XKR3: variants seen among roughly 807,000 people sequenced by gnomAD.
XKR3 encodes XK-related protein 3.
In XKR3, 27 loss-of-function variants were observed where a neutral mutation model predicts 40.3. The observed-to-expected ratio is 0.67, with a 90% CI of 0.49 to 0.92. The LOEUF is 0.92. Ranked by LOEUF, XKR3 falls within the 40% of genes least tolerant of loss-of-function variation. The probability of loss-of-function intolerance (pLI) is 0.00; values close to 1 mark genes in which losing one functional copy is unlikely to be tolerated. For synonymous variants in XKR3, 193 were observed against 195.4 expected, an observed-to-expected ratio of 0.99 and a Z score of 0.10; for missense variants, 472 against 537.6, an observed-to-expected ratio of 0.88 and a Z score of 1.21.
In XKR3 at chr22:16,784,512, C is replaced by T. The variant is rs1411233350; in HGVS notation, c.590-103G>A. The T allele has an allele frequency of 3.8e-6, 4 of 1,066,454 alleles. No individual in the cohort carries two copies. In the African/African-American group the frequency reaches 6.5e-5, roughly 17 times the overall value. The allele number at this position is 1,066,454 out of a possible 1,614,324, so 66.1% of individuals were successfully genotyped here. A position where few individuals can be genotyped will look rare whatever the true frequency, so the allele number is the denominator to read the frequency against. On this transcript the variant is annotated intron_variant, in intron 3 of 3. Coordinates refer to ENST00000684488, the MANE Select transcript of XKR3 (RefSeq NM_001386955.1). ...TTAAGATATATTCTTCCTCACCCAC[C>T]TCCTTTAGAAAATCATTTACTTATA... is the stretch of plus-strand genomic sequence containing the variant.
chr22:16,813,494 G>T lies in XKR3; in HGVS notation c.-10-5411C>A, dbSNP rs150001216. On this transcript the variant is annotated intron_variant, in intron 1 of 3. Transcript: ENST00000684488. ...TGAGGCAAGAAAGTTTAAGTAATTT[G>T]TCCAAATTCTTTATCTTGGTGGTTT... Among the ~76,000 whole-genome samples the T allele has an allele frequency of 1.7e-4, 26 of 152,140 alleles. No individual in the cohort carries two copies. In the South Asian group the frequency reaches 2.3e-3, roughly 13 times the overall value.
chr22:16,796,784 G>A (rs2060142966), intron 3 of XKR3, among the ~76,000 whole-genome samples: 1 of 152,110 alleles, frequency 6.6e-6, no homozygotes, highest in Non-Finnish European at 1.5e-5. Context: ...AACTGCCAAC[G>A]TCATTCTTCA....
chr22:16,817,080 T>C (rs148488562), intron 1 of XKR3, among the ~76,000 whole-genome samples: 291 of 152,196 alleles, frequency 1.9e-3, no homozygotes, highest in African/African-American at 6.9e-3. Context: ...ATTCTTACTA[T>C]ATTTGTGCTG....
intron 1 of XKR3, among the ~76,000 whole-genome samples, chr22:16,820,472 C>T (rs2060250790): frequency 6.6e-6 from 1 of 152,108 alleles, no homozygotes; most frequent in Non-Finnish European, 1.5e-5. Flanking sequence ...GTTCATACTC[C>T]TTTTGCTGGA....
chr22:16,815,455 C>T (rs1457099034), intron 1 of XKR3, among the ~76,000 whole-genome samples: 2 of 151,918 alleles, frequency 1.3e-5, no homozygotes, highest in Non-Finnish European at 2.9e-5. Flanking sequence ...GTACTACTTG[C>T]CTCATAGAAT....
Position 16,796,017 on chromosome 22 carries a change from G to A in XKR3, c.589+3754C>T, listed in dbSNP as rs2060139053. ...AAGAAGCACAATCAAAACAATATAG[G>A]CTATATATGACTGATCCCACAGAAA... On this transcript the variant is annotated intron_variant, in intron 3 of 3. Coordinates refer to ENST00000684488, the MANE Select transcript of XKR3 (RefSeq NM_001386955.1). 1.3e-5 allele frequency among the ~76,000 whole-genome samples: 2 copies of A among 151,900 alleles called. 1 individual carries two copies. The highest frequency in any genetic ancestry group is 1.3e-4 in the Admixed American group (2 of 15,254).
intron 1 of XKR3, among the ~76,000 whole-genome samples, chr22:16,812,072 G>T (rs1196945840): frequency 6.6e-6 from 1 of 151,994 alleles, no homozygotes; most frequent in Non-Finnish European, 1.5e-5. Context: ...AATATTTAGG[G>T]GCATATTTAC....
chr22:16,817,326 G>T (rs1470731806), intron 1 of XKR3, among the ~76,000 whole-genome samples: 32 of 141,980 alleles, frequency 2.3e-4, no homozygotes, highest in African/African-American at 7.7e-4. Flanking sequence ...GTCTTTTTTG[G>T]CTGTTTCTTA....
chr22:16,793,127 C>T (rs1288948753), intron 3 of XKR3, among the ~76,000 whole-genome samples: 3 of 152,224 alleles, frequency 2.0e-5, no homozygotes, highest in African/African-American at 7.2e-5. Context: ...ATTCTCCTGC[C>T]TCAGCCTCCC....
At chr22:16,791,797 G>A (rs1328076295) in intron 3 of XKR3, among the ~76,000 whole-genome samples, 49 of 110,772 alleles carry the variant, frequency 4.4e-4, no homozygotes, top group African/African-American at 1.7e-3. Flanking sequence ...GAGAGAGAGA[G>A]AGAGAGAGAG....
intron 2 of XKR3, among the ~76,000 whole-genome samples, chr22:16,801,912 TGGTC>T (rs2060171023): frequency 6.6e-6 from 1 of 152,202 alleles, no homozygotes; most frequent in Admixed American, 6.5e-5. Context: ...TGTGACTAAA[TGGTC>T]TGGAGCCCAT....
Position 16,783,713 on chromosome 22 carries a change from G to A in XKR3, c.1286C>T (p.Thr429Ile). 2 of 1,613,914 alleles carry A rather than the reference G, an allele frequency of 1.2e-6. No individual in the cohort carries two copies. The highest frequency in any genetic ancestry group is 4.5e-5 in the East Asian group (2 of 44,884). ...APYYYVNIEK[T>I]EKNKNKQLRN... ...CAGCTGCTTATTTTTATTCTTTTCA[G>A]TTTTCTCGATGTTTACATAATAGTA... Residue 429 changes from threonine to isoleucine, a missense_variant, in exon 4 of 4, where the codon ACT (threonine) becomes ATT (isoleucine). Coordinates refer to ENST00000684488, the MANE Select transcript of XKR3 (RefSeq NM_001386955.1).
At chr22:16,786,766 C>G (rs1224651882) in intron 3 of XKR3, among the ~76,000 whole-genome samples, 1 of 152,144 alleles carries the variant, frequency 6.6e-6, no homozygotes, top group Non-Finnish European at 1.5e-5. Flanking sequence ...GACAGGCTTA[C>G]TGTAGAAAGA....
At chr22:16,806,477 T>G (rs963116391) in intron 2 of XKR3, among the ~76,000 whole-genome samples, 5 of 150,606 alleles carry the variant, frequency 3.3e-5, no homozygotes, top group African/African-American at 7.3e-5. Context: ...AGGTTTTTTT[T>G]TTTTTTTTTT....
intron 3 of XKR3, among the ~76,000 whole-genome samples, chr22:16,792,564 G>A (rs2060124781): frequency 6.6e-6 from 1 of 152,094 alleles, no homozygotes; most frequent in Non-Finnish European, 1.5e-5. Context: ...CAATAATTTT[G>A]GACACATGTA....
chr22:16,819,166 T>C (rs1329052188), intron 1 of XKR3, among the ~76,000 whole-genome samples: 2 of 152,068 alleles, frequency 1.3e-5, no homozygotes, highest in Non-Finnish European at 2.9e-5. Flanking sequence ...GAAGGATACA[T>C]TGTGTTAATG....
intron 1 of XKR3, among the ~76,000 whole-genome samples, chr22:16,819,228 T>C (rs931532465): frequency 1.3e-5 from 2 of 152,168 alleles, no homozygotes; most frequent in African/African-American, 4.8e-5. Context: ...GATCTATATA[T>C]TTGATGCAAT....
chr22:16,817,701 A>T (rs1337666274), intron 1 of XKR3, among the ~76,000 whole-genome samples: 4 of 152,170 alleles, frequency 2.6e-5, no homozygotes, highest in African/African-American at 9.6e-5. Context: ...AATTAGTGAT[A>T]TTGGAGTTCA....
intron 1 of XKR3, among the ~76,000 whole-genome samples, chr22:16,811,413 AC>A (rs563381910): frequency 8.5e-4 from 129 of 152,238 alleles, no homozygotes; most frequent in Non-Finnish European, 1.7e-3. Context: ...CCCTGAGTCC[AC>A]CGTGGCTGGC....
Sources: allele counts gnomAD v4.1 joint callset (sites outside exome capture counted in the v4.1 genomes callset), GRCh38; gene constraint gnomAD v4.1.1; transcripts MANE v1.5; gene names NCBI Gene and HGNC (gene_info 2026-07-23, HGNC 2026-07-21).